Variants in TXNDC8 observed in about 807,000 individuals in gnomAD.
TXNDC8 encodes thioredoxin domain-containing protein 8.
Under a neutral mutation model 12.9 loss-of-function variants are expected in TXNDC8, and 15 were observed. The observed-to-expected ratio is 1.16, with a 90% CI of 0.78 to 1.79. TXNDC8 has a LOEUF of 1.79. TXNDC8 is among the 40% of genes most tolerant of loss of function. TXNDC8 has a pLI of 0.00. For synonymous variants in TXNDC8, 40 were observed against 35.4 expected, an observed-to-expected ratio of 1.13 and a Z score of -0.46; for missense variants, 128 against 113.2, an observed-to-expected ratio of 1.13 and a Z score of -0.59.
chr9:110,329,820 G>A lies in TXNDC8; in HGVS notation c.130-3580C>T, dbSNP rs182893835. ...CTAATTTATTTGCACTCCTGTTGCC[G>A]TCTCTCTGTGCTCTACTATGTGTGG... On this transcript the variant is annotated intron_variant, in intron 2 of 4. Coordinates refer to ENST00000423740, the MANE Select transcript of TXNDC8 (RefSeq NM_001286946.2). Among the ~76,000 whole-genome samples the A allele has an allele frequency of 3.0e-3, 454 of 152,244 alleles. 2 individuals carry two copies. Among genetic ancestry groups the A allele is most frequent in the Non-Finnish European group, 2.6e-3 (179 of 68,024 alleles).
intron 2 of TXNDC8, among the ~76,000 whole-genome samples, chr9:110,333,826 A>G (rs1260486609): frequency 6.6e-6 from 1 of 152,228 alleles, no homozygotes; most frequent in African/African-American, 2.4e-5. Context: ...AAGAATTGGG[A>G]GAAATTTATT....
At chr9:110,326,440 G>T (rs1839321050) in intron 2 of TXNDC8, among the ~76,000 whole-genome samples, 200 bp from the exon 4 acceptor site, 3 of 152,206 alleles carry the variant, frequency 2.0e-5, no homozygotes, top group Admixed American at 2.0e-4. Context: ...GATAGAAAAT[G>T]ATCGTTACAG....
At position 110,321,642 on chromosome 9, in the gene TXNDC8, T is replaced by C. The variant is rs543259527; in HGVS notation, c.195+4533A>G. Among the ~76,000 whole-genome samples, 5 of 150,954 alleles carry C rather than the reference T, an allele frequency of 3.3e-5. No individual in the cohort carries two copies. The East Asian group carries it at 9.7e-4, about 29-fold the overall frequency. On this transcript the variant is annotated intron_variant, in intron 3 of 4. Coordinates refer to ENST00000423740, the MANE Select transcript of TXNDC8 (RefSeq NM_001286946.2). ...GAGAGGAGCACATTTATGGAGGTAGTCCTCAAAAAAGTGCATTTGATTTTT... is the reference window on the plus strand; with the variant it reads ...GAGAGGAGCACATTTATGGAGGTAGCCCTCAAAAAAGTGCATTTGATTTTT...
chr9:110,305,604 T>TTCTTTCTTTCTTTCTTTC (rs1554700870), intron 3 of TXNDC8, among the ~76,000 whole-genome samples: 3 of 128,922 alleles, frequency 2.3e-5, no homozygotes, highest in African/African-American at 1.1e-4. Flanking sequence ...CTTTCTTTCT[T>TTCTTTCTTTCTTTCTTTC]TCTTTCTTTT....
At chr9:110,325,742 A>G (rs981830163) in intron 3 of TXNDC8, among the ~76,000 whole-genome samples, 5 of 151,974 alleles carry the variant, frequency 3.3e-5, no homozygotes, top group Non-Finnish European at 7.4e-5. Flanking sequence ...GATGGTCTCT[A>G]TCTCGTGACC....
rs931511114 is a variant in TXNDC8 at position 110,323,160 on chromosome 9, A to T, written c.195+3015T>A. On this transcript the variant is annotated intron_variant, in intron 3 of 4. Transcript: ENST00000423740. Reference sequence around the variant, plus strand: ...GAGATATGGTGCTAAGTTGAGGGTGAGGAGGGGGCATTGCAATTGTCTAAG... The same window carrying T: ...GAGATATGGTGCTAAGTTGAGGGTGTGGAGGGGGCATTGCAATTGTCTAAG... The T allele has an allele frequency of 3.0e-6, 3 of 985,262 alleles. No individual in the cohort carries two copies. In the Admixed American group the frequency reaches 1.8e-4, roughly 61 times the overall value. The allele number at this position is 985,262 out of a possible 1,614,324, so 61.0% of individuals were successfully genotyped here.
intron 3 of TXNDC8, among the ~76,000 whole-genome samples, chr9:110,319,102 A>C (rs1587970320): frequency 6.6e-6 from 1 of 152,290 alleles, no homozygotes; most frequent in East Asian, 1.9e-4. Flanking sequence ...AATCTCTGCC[A>C]GTGCATCAAC....
intron 3 of TXNDC8, chr9:110,322,633 A>G (rs1171210283): frequency 1.0e-6 from 1 of 985,344 alleles, no homozygotes; most frequent in Admixed American, 6.1e-5. Flanking sequence ...GTGTCATCAT[A>G]AAATGGAGTA....
chr9:110,305,546 T>TTCTTTCTTTCTTTC (rs767108351), intron 3 of TXNDC8, among the ~76,000 whole-genome samples: 7 of 115,416 alleles, frequency 6.1e-5, no homozygotes, highest in Admixed American at 1.9e-4. Context: ...TGTATTTTCT[T>TTCTTTCTTTCTTTC]TTTCTTTCTT....
intron 3 of TXNDC8, 87 bp downstream of exon 4, chr9:110,326,088 C>T: frequency 7.7e-7 from 1 of 1,291,354 alleles, no homozygotes. Context: ...GTAGTTATTT[C>T]ATCCACCCAG....
chr9:110,321,430 G>A (rs1350957865), intron 3 of TXNDC8, among the ~76,000 whole-genome samples: 1 of 152,190 alleles, frequency 6.6e-6, no homozygotes, highest in Non-Finnish European at 1.5e-5. Flanking sequence ...TTTATACAAT[G>A]TACATTTAAA....
At chr9:110,316,793 A>G (rs1476752889) in intron 3 of TXNDC8, among the ~76,000 whole-genome samples, 3 of 152,202 alleles carry the variant, frequency 2.0e-5, no homozygotes, top group African/African-American at 7.2e-5. Context: ...TCTTCTGTGT[A>G]GGGGTTGACA....
chr9:110,323,311 G>A, intron 3 of TXNDC8: 1 of 985,424 alleles, frequency 1.0e-6, no homozygotes, highest in Non-Finnish European at 1.2e-6. Context: ...TATAACAGGA[G>A]ACAAGCCAGA....
chr9:110,329,933 G>A (rs1440393466), intron 2 of TXNDC8, among the ~76,000 whole-genome samples: 1 of 152,134 alleles, frequency 6.6e-6, no homozygotes, highest in Non-Finnish European at 1.5e-5. Flanking sequence ...AAGGGGAGGA[G>A]GGAAGAAGTA....
At chr9:110,337,665 A>G (rs1839810609) in intron 1 of TXNDC8, 108 bp downstream of exon 1, 2 of 1,033,820 alleles carry the variant, frequency 1.9e-6, no homozygotes, top group East Asian at 2.5e-5. Flanking sequence ...CCTTGCTACA[A>G]TGCAATGATA....
At chr9:110,314,295 A>G (rs1587961744) in intron 3 of TXNDC8, among the ~76,000 whole-genome samples, 1 of 152,224 alleles carries the variant, frequency 6.6e-6, no homozygotes, top group African/African-American at 2.4e-5. Flanking sequence ...ATGCCTCCCT[A>G]CAATGTATAA....
intron 1 of TXNDC8, 128 bp from the exon 2 acceptor site, chr9:110,334,448 T>C: frequency 1.4e-6 from 1 of 699,450 alleles, no homozygotes; most frequent in East Asian, 3.1e-5. Flanking sequence ...ATCACTATGC[T>C]GCCCAGGCTG....
At chr9:110,305,558 C>CT (rs1216929899) in intron 3 of TXNDC8, among the ~76,000 whole-genome samples, 2 of 104,796 alleles carry the variant, frequency 1.9e-5, no homozygotes, top group African/African-American at 8.3e-5. Context: ...TTCTTTCTTT[C>CT]TTTCTTTCTT....
At chr9:110,309,295 C>T (rs1009546734) in intron 3 of TXNDC8, among the ~76,000 whole-genome samples, 5 of 152,068 alleles carry the variant, frequency 3.3e-5, no homozygotes, top group Non-Finnish European at 1.5e-5. Context: ...CCACAATATG[C>T]AGCAGCCCTA....
Sources: allele counts gnomAD v4.1 joint callset (sites outside exome capture counted in the v4.1 genomes callset), GRCh38; gene constraint gnomAD v4.1.1; transcripts MANE v1.5; gene names NCBI Gene and HGNC (gene_info 2026-07-23, HGNC 2026-07-21).